RGS7: variants seen among roughly 807,000 people sequenced by gnomAD.
The protein encoded by RGS7 is regulator of G protein signaling 7, also known as regulator of G-protein signaling 7.
RGS7 carries 27 observed loss-of-function variants against 81.1 expected under a neutral mutation model. The observed-to-expected ratio is 0.33, with a 90% CI of 0.25 to 0.46. The LOEUF is 0.46. Among genes scored for constraint, RGS7 ranks in the 20% least tolerant of loss-of-function variants. RGS7 has a pLI of 1.00. For missense variants in RGS7, 396 were observed against 607.4 expected (o/e 0.65, Z 3.66); for synonymous variants, 208 against 207.7 (o/e 1.00, Z -0.01).
intron 2 of RGS7, among the ~76,000 whole-genome samples, chr1:241,272,609 G>T (rs1276363184): frequency 6.6e-6 from 1 of 152,138 alleles, no homozygotes; most frequent in Non-Finnish European, 1.5e-5. Flanking sequence ...TCCAGTGGTT[G>T]AGGTCTTTAA....
intron 6 of RGS7, among the ~76,000 whole-genome samples, chr1:240,929,583 T>C (rs909605030): frequency 1.3e-5 from 2 of 152,168 alleles, no homozygotes; most frequent in African/African-American, 2.4e-5. Context: ...ACATGAGAGA[T>C]AGCTTTATTG....
intron 4 of RGS7, among the ~76,000 whole-genome samples, chr1:240,975,719 T>G (rs781089144): frequency 1.3e-5 from 2 of 152,260 alleles, no homozygotes; most frequent in Non-Finnish European, 2.9e-5. Flanking sequence ...ATAATTAATA[T>G]GACATGATAT....
intron 3 of RGS7, among the ~76,000 whole-genome samples, chr1:240,996,484 T>C (rs1046262192): frequency 6.6e-6 from 1 of 152,218 alleles, no homozygotes; most frequent in Non-Finnish European, 1.5e-5. Context: ...TCTCTCTTGT[T>C]AGATACATAC....
intron 2 of RGS7, among the ~76,000 whole-genome samples, chr1:241,345,004 C>T (rs1249245384): frequency 6.6e-6 from 1 of 152,170 alleles, no homozygotes; most frequent in Non-Finnish European, 1.5e-5. Flanking sequence ...TAATAACAGA[C>T]TGGATAAAGA....
Position 241,049,931 on chromosome 1 carries a change from C to T in RGS7, c.175+48735G>A, listed in dbSNP as rs528848902. On this transcript the variant is annotated intron_variant, in intron 3 of 18. Transcript: ENST00000440928. The stretch of plus-strand genomic sequence containing the variant: ...AAACACCAAGAGATGCTTGACAAGA[C>T]AATAAAACATAGAAAGTACTATTAT... Among the ~76,000 whole-genome samples, 10 of 152,278 alleles carry T rather than the reference C, an allele frequency of 6.6e-5. No homozygotes were observed. In the South Asian group the frequency reaches 2.1e-3, roughly 32 times the overall value.
chr1:241,159,472 G>T (rs1184002614), intron 2 of RGS7, among the ~76,000 whole-genome samples: 1 of 151,894 alleles, frequency 6.6e-6, no homozygotes, highest in Non-Finnish European at 1.5e-5. Flanking sequence ...ATTCTCCAGG[G>T]AAATATAGCC....
intron 2 of RGS7, among the ~76,000 whole-genome samples, chr1:241,128,891 G>A (rs1168380725): frequency 6.6e-6 from 1 of 150,978 alleles, no homozygotes; most frequent in South Asian, 2.1e-4. Context: ...TCCCTACCCC[G>A]TAATGATATG....
chr1:240,926,224 T>C (rs116638158), intron 6 of RGS7, among the ~76,000 whole-genome samples: 1,621 of 152,270 alleles, frequency 0.011, 22 homozygotes, highest in African/African-American at 0.037. Flanking sequence ...ACCAAGGCCA[T>C]TGTCCAGAAT....
intron 3 of RGS7, among the ~76,000 whole-genome samples, chr1:241,041,320 CAG>C (rs34354796): frequency 0.18 from 27,713 of 151,972 alleles, 2,852 homozygotes; most frequent in Non-Finnish European, 0.23. Context: ...TTTCAAAATT[CAG>C]AGTTTGGTGT....
intron 2 of RGS7, among the ~76,000 whole-genome samples, chr1:241,254,454 T>C (rs541572084): frequency 2.0e-5 from 3 of 152,270 alleles, no homozygotes; most frequent in Admixed American, 6.5e-5. Flanking sequence ...GGTGCCATCA[T>C]GGCTCTTCCT....
chr1:240,777,759 C>T (rs1462788955), intron 18 of RGS7, among the ~76,000 whole-genome samples: 3 of 152,158 alleles, frequency 2.0e-5, no homozygotes, highest in Non-Finnish European at 2.9e-5. Flanking sequence ...GAAATAAGCT[C>T]CCTGGGACCT....
intron 9 of RGS7, among the ~76,000 whole-genome samples, chr1:240,859,590 T>C (rs959744664): frequency 2.0e-5 from 3 of 152,002 alleles, no homozygotes; most frequent in Non-Finnish European, 4.4e-5. Flanking sequence ...TAGTAATTTG[T>C]GTCTTCTCCC....
intron 18 of RGS7, among the ~76,000 whole-genome samples, chr1:240,783,590 T>G (rs1260527678): frequency 6.6e-6 from 1 of 151,556 alleles, no homozygotes; most frequent in Non-Finnish European, 1.5e-5. Context: ...GCCACTGCAC[T>G]CCAGTCTGGG....
intron 2 of RGS7, among the ~76,000 whole-genome samples, chr1:241,307,238 C>T (rs1320052030): frequency 6.6e-6 from 1 of 152,170 alleles, no homozygotes; most frequent in African/African-American, 2.4e-5. Context: ...TGAAAATGCT[C>T]TCTTTCTACT....
At chr1:241,239,240 T>C (rs1450828661) in intron 2 of RGS7, among the ~76,000 whole-genome samples, 1 of 152,136 alleles carries the variant, frequency 6.6e-6, no homozygotes, top group African/African-American at 2.4e-5. Context: ...GTGCTGGGAT[T>C]ACAGGTGTGA....
chr1:241,329,787 T>A (rs1391646721), intron 2 of RGS7, among the ~76,000 whole-genome samples: 1 of 152,154 alleles, frequency 6.6e-6, no homozygotes, highest in Non-Finnish European at 1.5e-5. Context: ...CATTTGACAA[T>A]GTTTCTTGTG....
intron 3 of RGS7, among the ~76,000 whole-genome samples, chr1:241,001,961 C>A (rs754198343): frequency 6.6e-6 from 1 of 151,946 alleles, no homozygotes; most frequent in Non-Finnish European, 1.5e-5. Flanking sequence ...CGCGTCAGTG[C>A]GATAATGATG....
intron 2 of RGS7, chr1:241,186,447 A>G (rs2072108252): frequency 2.1e-6 from 2 of 945,740 alleles, no homozygotes; most frequent in South Asian, 4.9e-5. Flanking sequence ...TTTTTCTAGC[A>G]TTTTTACCTG....
intron 2 of RGS7, among the ~76,000 whole-genome samples, chr1:241,329,180 A>C (rs2081806490): frequency 6.6e-6 from 1 of 152,202 alleles, no homozygotes; most frequent in Non-Finnish European, 1.5e-5. Flanking sequence ...TACTGTTTTC[A>C]GGGGTTGACT....
Sources: gnomAD v4.1 joint callset for allele counts (sites outside exome capture counted in the v4.1 genomes callset) on GRCh38, gnomAD v4.1.1 for gene constraint, MANE v1.5 for transcripts, NCBI Gene and HGNC (gene_info 2026-07-23, HGNC 2026-07-21) for gene names.